Variants in TKFC observed in about 807,000 individuals in gnomAD.
TKFC encodes the protein triokinase and FMN cyclase.
TKFC carries 46 observed loss-of-function variants against 61.0 expected under a neutral mutation model. The ratio of observed to expected loss-of-function variants is 0.75; its 90% CI spans 0.60 to 0.96. The LOEUF (loss-of-function observed/expected upper bound fraction) is 0.96, where lower values mean the gene tolerates loss of function less well. Among genes scored for constraint, TKFC ranks in the 50% least tolerant of loss-of-function variants. The probability of loss-of-function intolerance (pLI) is 0.00; values close to 1 mark genes in which losing one functional copy is unlikely to be tolerated. For missense variants in TKFC, 715 were observed against 777.5 expected (o/e 0.92, Z 0.96); for synonymous variants, 314 against 330.1 (o/e 0.95, Z 0.53).
chr11:61,348,223 CTTG>C lies in TKFC; in HGVS notation c.*1723_*1725del. Reference sequence around the variant, plus strand: ...CTCAACCTAGTCACCCTTTTTGAGTCTTGTTTTCTCAGATTATGAAATAGGAAA... The same window carrying C: ...CTCAACCTAGTCACCCTTTTTGAGTCTTTTCTCAGATTATGAAATAGGAAA... On this transcript the variant is annotated 3_prime_UTR_variant, in exon 18 of 18. Coordinates refer to ENST00000394900, the MANE Select transcript of TKFC (RefSeq NM_015533.4). 1 of 985,378 alleles carries C rather than the reference CTTG, an allele frequency of 1.0e-6. No individual in the cohort carries two copies. The highest frequency in any genetic ancestry group is 1.2e-6 in the Non-Finnish European group (1 of 829,918). The allele number at this position is 985,378 out of a possible 1,614,324, so 61.0% of individuals were successfully genotyped here. A position where few individuals can be genotyped will look rare whatever the true frequency, so the allele number is the denominator to read the frequency against.
At chr11:61,340,970 G>T (rs1358576350) in intron 5 of TKFC, among the ~76,000 whole-genome samples, 1 of 152,082 alleles carries the variant, frequency 6.6e-6, no homozygotes, top group African/African-American at 2.4e-5. Context: ...CCTCTCCCCA[G>T]GCTGTGAGTT....
At chr11:61,340,075 A>G (rs1856794761) in intron 5 of TKFC, among the ~76,000 whole-genome samples, 1 of 151,806 alleles carries the variant, frequency 6.6e-6, no homozygotes, top group Admixed American at 6.6e-5. Context: ...CAGTGGCGCG[A>G]TCTTGGCTCA....
At chr11:61,336,553 T>C (rs1346576455) in intron 2 of TKFC, among the ~76,000 whole-genome samples, 2 of 152,230 alleles carry the variant, frequency 1.3e-5, no homozygotes, top group African/African-American at 2.4e-5. Context: ...CACTATATCA[T>C]GGGCATATAC....
chr11:61,339,686 A>G (rs1487916101), intron 5 of TKFC, among the ~76,000 whole-genome samples: 1 of 151,934 alleles, frequency 6.6e-6, no homozygotes, highest in East Asian at 1.9e-4. Flanking sequence ...CTCCTCCCAA[A>G]TGTACAACAC....
chr11:61,343,303 C>G, intron 10 of TKFC, 39 bp from the exon 11 acceptor site: 3 of 1,572,502 alleles, frequency 1.9e-6, no homozygotes, highest in Non-Finnish European at 2.6e-6. Context: ...CCCTGATGCC[C>G]ATTTTTCCCT....
In TKFC at chr11:61,347,882, G is replaced by A. The variant is rs1355862224; in HGVS notation, c.*1379G>A. The A allele has an allele frequency of 1.0e-6, 1 of 984,830 alleles. No individual in the cohort carries two copies. Among genetic ancestry groups the A allele is most frequent in the African/African-American group, 1.7e-5 (1 of 57,232 alleles). 61.0% of individuals were successfully genotyped at this position (984,830 alleles called of 1,614,324 possible). ...GGCCATAAAGCCCAGCACAGTCCAA[G>A]TGCTCACTCACTGAGAGTTACGGTT... On this transcript the variant is annotated 3_prime_UTR_variant, in exon 18 of 18. Transcript: ENST00000394900.
chr11:61,346,057 C>T lies in TKFC; in HGVS notation c.1575+111C>T, dbSNP rs903512326. ...AACCTTCCTGGACCGCAGTTTCCTTCTCTGTACAATGGAGATGAGCACCTA... is the reference window on the plus strand; with the variant it reads ...AACCTTCCTGGACCGCAGTTTCCTTTTCTGTACAATGGAGATGAGCACCTA... On this transcript the variant is annotated intron_variant, in intron 17 of 17. Coordinates refer to ENST00000394900, the MANE Select transcript of TKFC (RefSeq NM_015533.4). This position sits in a 1 kb window ranked among gnomAD's most constrained non-coding sequence, Gnocchi z 4.1. 4.0e-6 allele frequency: 5 copies of T among 1,252,344 alleles called. No homozygotes were observed. The highest frequency in any genetic ancestry group is 2.2e-5 in the Admixed American group (1 of 45,502). 77.6% of individuals were successfully genotyped at this position (1,252,344 alleles called of 1,614,324 possible). A position where few individuals can be genotyped will look rare whatever the true frequency, so the allele number is the denominator to read the frequency against.
At chr11:61,339,598 A>C (rs1341675682) in intron 5 of TKFC, 163 bp downstream of exon 5, 1 of 771,144 alleles carries the variant, frequency 1.3e-6, no homozygotes, top group East Asian at 2.8e-5. Flanking sequence ...TCAGCTACCT[A>C]AGCCCAGATA....
chr11:61,353,035 C>T, downstream of TKFC: 1 of 1,614,142 alleles, frequency 6.2e-7, no homozygotes. Context: ...ATGCGATGGA[C>T]AGAGAGAGGA....
chr11:61,348,490 G>C lies in TKFC; in HGVS notation c.*1987G>C, dbSNP rs942814828. ...ATTTCATTAGAGGGCTGTTATTAGA[G>C]ACTGAATGTTTGTGTCCCCCCCAAA... On this transcript the variant is annotated 3_prime_UTR_variant, in exon 18 of 18. Transcript: ENST00000394900. The C allele has an allele frequency of 3.5e-5, 34 of 985,342 alleles. No individual in the cohort carries two copies. Among genetic ancestry groups the C allele is most frequent in the Non-Finnish European group, 3.6e-5 (30 of 829,992 alleles). 61.0% of individuals were successfully genotyped at this position (985,342 alleles called of 1,614,324 possible).
intron 10 of TKFC, 111 bp from the exon 11 acceptor site, chr11:61,343,231 C>T: frequency 2.1e-6 from 2 of 965,514 alleles, no homozygotes; most frequent in Admixed American, 2.0e-5. Flanking sequence ...GAAATCAGGA[C>T]ATCTCCCTCC....
chr11:61,346,027 TTAA>T lies in TKFC; in HGVS notation c.1575+85_1575+87del. The T allele has an allele frequency of 1.4e-6, 2 of 1,445,272 alleles. No homozygotes were observed. Among genetic ancestry groups the T allele is most frequent in the South Asian group, 1.2e-5 (1 of 84,504 alleles). The allele number at this position is 1,445,272 out of a possible 1,614,324, so 89.5% of individuals were successfully genotyped here. Reference sequence around the variant, plus strand: ...CTGTCTCCATGTGACCCTGAGCAAGTTAATAACCTTCCTGGACCGCAGTTTCCT... The same window carrying T: ...CTGTCTCCATGTGACCCTGAGCAAGTTAACCTTCCTGGACCGCAGTTTCCT... On this transcript the variant is annotated intron_variant, in intron 17 of 17. Transcript: ENST00000394900. This position sits in a 1 kb window ranked among gnomAD's most constrained non-coding sequence, Gnocchi z 4.1.
At chr11:61,349,393 G>A (rs1201040732), downstream of TKFC, 9 of 613,584 alleles carry the variant, frequency 1.5e-5, no homozygotes, top group Middle Eastern at 2.6e-4. Context: ...CTGCAGAGTG[G>A]TCAGAGGGGC....
chr11:61,349,897 C>T (rs1455451885), downstream of TKFC: 1 of 523,902 alleles, frequency 1.9e-6, no homozygotes, highest in East Asian at 3.4e-5. Flanking sequence ...GGACGGACAC[C>T]TCACCTCCCT....
At position 61,339,325 on chromosome 11, in the gene TKFC, CG is replaced by C; in HGVS notation, c.379del (p.Ala127LeufsTer10). 6.2e-7 allele frequency: 1 copy of C among 1,613,890 alleles called. No homozygotes were observed. The highest frequency in any genetic ancestry group is 8.5e-7 in the Non-Finnish European group (1 of 1,180,030). On this transcript the variant is annotated frameshift_variant, in exon 5 of 18. Coordinates refer to ENST00000394900, the MANE Select transcript of TKFC (RefSeq NM_015533.4). ...CTTCGGCCTGGCCCGGGAGCAGGCC[CG>C]GGCTGAAGGCATCCCGGTGGAGATG... ...LNFGLAREQA[R>X]AEGIPVEMVV...
chr11:61,339,343 G>T lies in TKFC; in HGVS notation c.394G>T (p.Val132Leu). The T allele has an allele frequency of 2.5e-6, 4 of 1,613,840 alleles. No homozygotes were observed. The highest frequency in any genetic ancestry group is 3.4e-6 in the Non-Finnish European group (4 of 1,180,044). The change falls in exon 5 of 18, where the codon GTG becomes TTG. Residue 132 changes from valine (V) to leucine (L), a missense_variant. By Grantham distance (32) the Val-to-Leu change is conservative (BLOSUM62 1). Transcript: ENST00000394900. ...GCAGGCCCGGGCTGAAGGCATCCCG[G>T]TGGAGATGGTGGTGATTGGGGACGA... ...REQARAEGIP[V>L]EMVVIGDDSA...
At position 61,346,510 on chromosome 11, in the gene TKFC, T is replaced by G; in HGVS notation, c.*7T>G. On this transcript the variant is annotated 3_prime_UTR_variant, in exon 18 of 18. Transcript: ENST00000394900. This position sits in a 1 kb window ranked among gnomAD's most constrained non-coding sequence, Gnocchi z 4.1. ...GGAGGTCTTGCAGAGCTAGGGTGTG[T>G]GACTGCCTCCCTTGGCCTCAGCTCC... The G allele has an allele frequency of 6.3e-7, 1 of 1,590,322 alleles. No individual in the cohort carries two copies. Among genetic ancestry groups the G allele is most frequent in the East Asian group, 2.3e-5 (1 of 44,368 alleles).
Position 61,341,848 on chromosome 11 carries a change from C to T in TKFC, c.591C>T (p.Ser197=), listed in dbSNP as rs369635726. The T allele has an allele frequency of 1.2e-6, 2 of 1,613,858 alleles. No homozygotes were observed. Among genetic ancestry groups the T allele is most frequent in the African/African-American group, 2.7e-5 (2 of 74,874 alleles). The part of the protein sequence containing the change: ...AMGTLGVSLS[S]CSVPGSKPTF... ...GTACCCTGGGGGTGAGCTTATCCTC[C>T]TGCAGCGTCCCTGGTTCCAAACCCA... Residue 197 remains serine (S), a synonymous_variant, in exon 7 of 18, where the codon TCC becomes TCT. Transcript: ENST00000394900.
chr11:61,350,621 G>A (rs976554716), downstream of TKFC: 5 of 656,692 alleles, frequency 7.6e-6, no homozygotes, highest in Admixed American at 1.5e-4. Context: ...TGAGCACTCA[G>A]CTGGTCACCA....
Sources: allele counts gnomAD v4.1 joint callset (sites outside exome capture counted in the v4.1 genomes callset), GRCh38; gene constraint gnomAD v4.1.1; non-coding constraint Gnocchi (gnomAD v3.1); transcripts MANE v1.5; gene names NCBI Gene and HGNC (gene_info 2026-07-23, HGNC 2026-07-21).